The following FUT8 variants were observed in gnomAD, a reference collection of about 807,000 sequenced individuals.
FUT8 encodes alpha-(1,6)-fucosyltransferase.
Under a neutral mutation model 71.3 loss-of-function variants are expected in FUT8, and 29 were observed. The observed-to-expected ratio is 0.41, with a 90% confidence interval of 0.30 to 0.55. FUT8 has a LOEUF of 0.55. FUT8 is among the 20% of genes least tolerant of loss of function. The pLI is 0.34. For missense variants in FUT8, 544 were observed against 702.1 expected (o/e 0.77, Z 2.55); for synonymous variants, 254 against 239.3 (o/e 1.06, Z -0.57).
upstream of FUT8, among the ~76,000 whole-genome samples, chr14:65,409,365 G>A (rs1401837857): frequency 6.6e-6 from 1 of 152,204 alleles, no homozygotes; most frequent in Non-Finnish European, 1.5e-5. This position sits in a 1 kb window ranked among gnomAD's most constrained non-coding sequence, Gnocchi z 5.4. Context: ...AGCCTTCTGA[G>A]TGCCTCAACC....
intron 2 of FUT8, among the ~76,000 whole-genome samples, chr14:65,478,525 C>T (rs1470409221): frequency 1.3e-5 from 2 of 151,830 alleles, no homozygotes; most frequent in Non-Finnish European, 2.9e-5. Context: ...GGGGATAGCT[C>T]CTATTTTTGT....
chr14:65,694,532 C>T (rs577809051), intron 7 of FUT8, among the ~76,000 whole-genome samples: 1 of 152,246 alleles, frequency 6.6e-6, no homozygotes, highest in East Asian at 1.9e-4. Context: ...ACCCAGCCAT[C>T]CCATTACTGG....
chr14:65,602,341 TCTCACACACACACACACACACACACA>T (rs1450453480), intron 3 of FUT8, among the ~76,000 whole-genome samples: 31 of 50,068 alleles, frequency 6.2e-4, no homozygotes, highest in East Asian at 4.1e-3. Context: ...GCGTTCCATC[TCTCACACACACACACACACACACACA>T]CACACACACA....
chr14:65,557,470 T>C (rs1885654737), intron 2 of FUT8, among the ~76,000 whole-genome samples: 1 of 151,880 alleles, frequency 6.6e-6, no homozygotes, highest in Non-Finnish European at 1.5e-5. Flanking sequence ...TAGCTGGGAT[T>C]ATAGGCACCC....
At chr14:65,705,187 A>T (rs898310703) in intron 7 of FUT8, among the ~76,000 whole-genome samples, 1 of 136,456 alleles carries the variant, frequency 7.3e-6, no homozygotes, top group Non-Finnish European at 1.7e-5. Flanking sequence ...CATAGAATTC[A>T]TATGACAGGC....
chr14:65,490,857 G>A (rs545776176), intron 2 of FUT8, among the ~76,000 whole-genome samples: 18 of 152,144 alleles, frequency 1.2e-4, no homozygotes, highest in Admixed American at 5.2e-4. Context: ...TTTTGCAGAT[G>A]GCAGTTATGC....
In FUT8 at chr14:65,661,597, T is replaced by TGTGTAC. The variant is rs777475735; in HGVS notation, c.598-7646_598-7645insGTGTAC. The stretch of plus-strand genomic sequence containing the variant: ...TGGAAAATTTGTACTCTGAAGTTGC[T>TGTGTAC]TTTATTGGTGTGTAGGAAAAATCTT... On this transcript the variant is annotated intron_variant, in intron 6 of 10. Coordinates refer to ENST00000673929, the MANE Select transcript of FUT8 (RefSeq NM_001371533.1). 3.3e-5 allele frequency among the ~76,000 whole-genome samples: 5 copies of TGTGTAC among 152,208 alleles called. No homozygotes were observed. In the South Asian group the frequency reaches 6.2e-4, roughly 19 times the overall value.
At chr14:65,633,772 C>G (rs565115117) in intron 6 of FUT8, among the ~76,000 whole-genome samples, 1,572 of 149,114 alleles carry the variant, frequency 0.011, 30 homozygotes, top group African/African-American at 0.037. Flanking sequence ...AGTGAGGAGC[C>G]CCTCCGCCCG....
intron 6 of FUT8, among the ~76,000 whole-genome samples, chr14:65,649,792 C>T (rs552594385): frequency 2.8e-4 from 43 of 152,246 alleles, no homozygotes; most frequent in African/African-American, 1.0e-3. Context: ...AGTTGGTTTA[C>T]CATTTTTAAA....
intron 2 of FUT8, among the ~76,000 whole-genome samples, chr14:65,487,314 A>C (rs1489964349): frequency 6.6e-6 from 1 of 152,202 alleles, no homozygotes; most frequent in Non-Finnish European, 1.5e-5. Flanking sequence ...CTGTAATCCC[A>C]GCACTTTGGG....
At chr14:65,403,738 ATTTTTT>A in the FUT8 span, among the ~76,000 whole-genome samples, 1 of 143,176 alleles carries the variant, frequency 7.0e-6, no homozygotes, top group Non-Finnish European at 1.5e-5. Flanking sequence ...ATAGTGGTTA[ATTTTTT>A]TTTTTTTTTT....
chr14:65,448,886 T>C (rs527535117), intron 1 of FUT8, among the ~76,000 whole-genome samples: 20 of 152,342 alleles, frequency 1.3e-4, no homozygotes, highest in South Asian at 2.1e-4. Context: ...AATTTTCAGA[T>C]TATTTTTTAT....
At chr14:65,476,637 ATTTTTTTTTTTTTTTTTT>A (rs200882761) in intron 2 of FUT8, among the ~76,000 whole-genome samples, 21 of 125,152 alleles carry the variant, frequency 1.7e-4, no homozygotes, top group African/African-American at 5.8e-4. Flanking sequence ...AAAGAAGTAG[ATTTTTTTTTTTTTTTTTT>A]TTTTTTTTTT....
At chr14:65,428,608 T>A (rs1414121030) in intron 1 of FUT8, among the ~76,000 whole-genome samples, 2 of 152,210 alleles carry the variant, frequency 1.3e-5, no homozygotes, top group Admixed American at 1.3e-4. Flanking sequence ...ATGAACAAAT[T>A]TGGAATTGTC....
chr14:65,587,394 T>C (rs1887448759), intron 3 of FUT8, among the ~76,000 whole-genome samples: 1 of 152,302 alleles, frequency 6.6e-6, no homozygotes, highest in Admixed American at 6.5e-5. Flanking sequence ...AGTCCAAGTC[T>C]TTTGAATCTT....
intron 5 of FUT8, among the ~76,000 whole-genome samples, chr14:65,620,610 A>G (rs896107558): frequency 2.6e-5 from 4 of 152,150 alleles, no homozygotes; most frequent in African/African-American, 9.7e-5. Flanking sequence ...CCCACTCTTG[A>G]AAAGTTAAGT....
chr14:65,698,670 G>A (rs919353937), intron 7 of FUT8, among the ~76,000 whole-genome samples: 67 of 152,288 alleles, frequency 4.4e-4, no homozygotes, highest in African/African-American at 1.4e-3. Flanking sequence ...TACCAAGAAT[G>A]ATGCAGTTGT....
At chr14:65,614,428 T>C (rs548770134) in intron 3 of FUT8, among the ~76,000 whole-genome samples, 1 of 152,356 alleles carries the variant, frequency 6.6e-6, no homozygotes, top group East Asian at 1.9e-4. Context: ...TATTGCTGCT[T>C]TGACAAATAC....
chr14:65,535,162 C>T lies in FUT8; in HGVS notation c.-227-26175C>T, dbSNP rs117416591. Among the ~76,000 whole-genome samples the T allele has an allele frequency of 5.8e-3, 873 of 151,712 alleles. 31 individuals are homozygous for T. In the East Asian group the frequency reaches 0.093, roughly 16 times the overall value. ...TTGCCCAGGCTGGAATGCTATGGCA[C>T]GATCTTGGCCCATTGCAGCCTCTGC... On this transcript the variant is annotated intron_variant, in intron 2 of 10. Coordinates refer to ENST00000673929, the MANE Select transcript of FUT8 (RefSeq NM_001371533.1).
Sources: gnomAD v4.1 joint callset for allele counts (sites outside exome capture counted in the v4.1 genomes callset) on GRCh38, gnomAD v4.1.1 for gene constraint, Gnocchi (gnomAD v3.1) non-coding constraint, MANE v1.5 for transcripts, NCBI Gene and HGNC (gene_info 2026-07-23, HGNC 2026-07-21) for gene names.